PLCB4: variants seen among roughly 807,000 people sequenced by gnomAD.
The protein encoded by PLCB4 is phospholipase C beta 4.
A neutral mutation model predicts 178.8 loss-of-function variants in PLCB4; 77 were observed. The observed-to-expected ratio is 0.43, with a 90% CI of 0.36 to 0.52. The LOEUF is 0.52. Among genes scored for constraint, PLCB4 ranks in the 20% least tolerant of loss-of-function variants. The pLI is 0.00. For synonymous variants in PLCB4, 496 were observed against 490.8 expected, an observed-to-expected ratio of 1.01 and a Z score of -0.14; for missense variants, 1,024 against 1,453.4, an observed-to-expected ratio of 0.70 and a Z score of 4.80.
chr20:9,400,279 C>A (rs528524489), intron 19 of PLCB4, among the ~76,000 whole-genome samples: 1 of 152,204 alleles, frequency 6.6e-6, no homozygotes, highest in Admixed American at 6.5e-5. Context: ...CAGATACTAC[C>A]AGTTGAAAGA....
chr20:9,101,810 T>C (rs2091164226), intron 2 of PLCB4, among the ~76,000 whole-genome samples: 1 of 151,984 alleles, frequency 6.6e-6, no homozygotes, highest in Non-Finnish European at 1.5e-5. Context: ...GCTTAGTGCC[T>C]CATTGTAAAA....
At chr20:9,386,009 C>T (rs971936235) in intron 14 of PLCB4, among the ~76,000 whole-genome samples, 1 of 152,184 alleles carries the variant, frequency 6.6e-6, no homozygotes, top group Non-Finnish European at 1.5e-5. Flanking sequence ...TCCCAGCACC[C>T]CGGGAGGCCG....
In PLCB4 at chr20:9,368,548, G is replaced by A. The variant is rs555796169; in HGVS notation, c.504-2666G>A. 7.9e-5 allele frequency among the ~76,000 whole-genome samples: 12 copies of A among 152,272 alleles called. No individual in the cohort carries two copies. The East Asian group carries it at 1.7e-3, about 22-fold the overall frequency. The stretch of plus-strand genomic sequence containing the variant: ...AAGAAGGCTGAGAGCCGCAGGTGCC[G>A]TCTTGGAAGCATCCCTATATAATCA... On this transcript the variant is annotated intron_variant, in intron 9 of 39. Coordinates refer to ENST00000378473, the MANE Select transcript of PLCB4 (RefSeq NM_001377142.1).
intron 2 of PLCB4, among the ~76,000 whole-genome samples, chr20:9,215,259 G>GT (rs2093717273): frequency 6.6e-6 from 1 of 152,058 alleles, no homozygotes; most frequent in Admixed American, 6.6e-5. Flanking sequence ...CATGGGAGTC[G>GT]TATCTTCATT....
intron 3 of PLCB4, among the ~76,000 whole-genome samples, chr20:9,301,473 C>T (rs2094702652): frequency 6.6e-6 from 1 of 152,026 alleles, no homozygotes; most frequent in South Asian, 2.1e-4. Flanking sequence ...TGATCCAGCA[C>T]ATCTGAGATA....
intron 2 of PLCB4, among the ~76,000 whole-genome samples, chr20:9,118,197 A>T (rs1377012816): frequency 6.8e-6 from 1 of 147,030 alleles, no homozygotes; most frequent in African/African-American, 2.5e-5. Context: ...CATTAGGTAT[A>T]TCTCCCAATG....
chr20:9,089,243 T>G (rs1395322732), intron 1 of PLCB4, among the ~76,000 whole-genome samples: 1 of 151,926 alleles, frequency 6.6e-6, no homozygotes, highest in Non-Finnish European at 1.5e-5. Flanking sequence ...TTTGACTAGT[T>G]AATTATCAAT....
At chr20:9,116,823 A>G (rs970133306) in intron 2 of PLCB4, among the ~76,000 whole-genome samples, 1 of 152,188 alleles carries the variant, frequency 6.6e-6, no homozygotes. Context: ...CTACCCACCT[A>G]TGTATATGCT....
rs6039472 is a variant in PLCB4, at chr20:9,444,727, A to C, written c.2880+484A>C. ...CAGTGAGCTGAGATCGTGCCATTGC[A>C]TTCCAGTGTAGGTGATAGAGTAAGA... On this transcript the variant is annotated intron_variant, in intron 32 of 39. Transcript: ENST00000378473. Among the ~76,000 whole-genome samples the C allele has an allele frequency of 2.0e-5, 3 of 152,304 alleles. No homozygotes were observed. The East Asian group carries it at 5.8e-4, about 29-fold the overall frequency.
At chr20:9,441,112 G>A (rs1473290621) in intron 30 of PLCB4, among the ~76,000 whole-genome samples, 1 of 152,154 alleles carries the variant, frequency 6.6e-6, no homozygotes, top group Non-Finnish European at 1.5e-5. Flanking sequence ...CACTGTGTTG[G>A]ACGTCTGGGA....
At chr20:9,332,856 A>G (rs1365642098) in intron 4 of PLCB4, among the ~76,000 whole-genome samples, 3 of 152,056 alleles carry the variant, frequency 2.0e-5, no homozygotes, top group African/African-American at 4.8e-5. Context: ...TTCTCATCCT[A>G]TTTTGAAAAT....
At chr20:9,445,254 T>C (rs765327490) in intron 32 of PLCB4, among the ~76,000 whole-genome samples, 13 of 152,238 alleles carry the variant, frequency 8.5e-5, no homozygotes, top group Non-Finnish European at 1.9e-4. Flanking sequence ...GGATAATGTC[T>C]GTCCTCTTTT....
chr20:9,207,985 A>G (rs1297472894), intron 2 of PLCB4, among the ~76,000 whole-genome samples: 3 of 152,236 alleles, frequency 2.0e-5, no homozygotes, highest in African/African-American at 7.2e-5. Flanking sequence ...CGCAAATTAC[A>G]GAAATGTACC....
chr20:9,218,244 T>C (rs1057127466), intron 3 of PLCB4, among the ~76,000 whole-genome samples: 1 of 152,062 alleles, frequency 6.6e-6, no homozygotes, highest in Non-Finnish European at 1.5e-5. Flanking sequence ...CTGAGTAGCA[T>C]TACAGGTGCA....
At chr20:9,164,410 G>A (rs571446909) in intron 2 of PLCB4, among the ~76,000 whole-genome samples, 61 of 152,118 alleles carry the variant, frequency 4.0e-4, no homozygotes, top group African/African-American at 1.3e-3. Context: ...GGGAAATTAA[G>A]TGACTTGCCC....
intron 3 of PLCB4, among the ~76,000 whole-genome samples, chr20:9,236,881 A>G (rs1294076523): frequency 1.3e-5 from 2 of 152,230 alleles, no homozygotes; most frequent in African/African-American, 4.8e-5. Context: ...GGAACAGACA[A>G]CTGAAATATG....
At chr20:9,430,765 G>T (rs2043743339) in intron 28 of PLCB4, among the ~76,000 whole-genome samples, 1 of 152,154 alleles carries the variant, frequency 6.6e-6, no homozygotes, top group Non-Finnish European at 1.5e-5. Context: ...GGATTGTGTA[G>T]AATCAGCCCT....
intron 1 of PLCB4, among the ~76,000 whole-genome samples, chr20:9,088,303 T>A (rs2090528416): frequency 1.3e-5 from 2 of 152,060 alleles, no homozygotes; most frequent in South Asian, 4.1e-4. Flanking sequence ...TTGGAGGTGA[T>A]CTCTGGACTG....
At chr20:9,372,514 A>T (rs1317443499) in intron 11 of PLCB4, 111 bp downstream of exon 11, 16 of 559,882 alleles carry the variant, frequency 2.9e-5, no homozygotes, top group Non-Finnish European at 1.3e-5. Context: ...ATCTAGGAAT[A>T]TCTAGTCAGG....
Sources: allele counts gnomAD v4.1 joint callset (sites outside exome capture counted in the v4.1 genomes callset), GRCh38; gene constraint gnomAD v4.1.1; transcripts MANE v1.5; gene names NCBI Gene and HGNC (gene_info 2026-07-23, HGNC 2026-07-21).